The following LRRC7 variants were observed in gnomAD, a reference collection of about 807,000 sequenced individuals.
The protein encoded by LRRC7 is leucine rich repeat containing 7, also known as leucine-rich repeat-containing protein 7.
A neutral mutation model predicts 175.7 loss-of-function variants in LRRC7; 23 were observed. The observed-to-expected ratio is 0.13, with a 90% CI of 0.09 to 0.19. LRRC7 has a LOEUF of 0.19. Ranked by LOEUF, LRRC7 falls within the 10% of genes least tolerant of loss-of-function variation. LRRC7 has a pLI of 1.00. For missense variants in LRRC7, 1,354 were observed against 1,904.7 expected (o/e 0.71, Z 5.38); for synonymous variants, 685 against 680.9 (o/e 1.01, Z -0.09).
chr1:69,741,741 A>C (rs1159731024), intron 2 of LRRC7, among the ~76,000 whole-genome samples: 1 of 152,008 alleles, frequency 6.6e-6, no homozygotes, highest in Non-Finnish European at 1.5e-5. Flanking sequence ...ACTCTAATTT[A>C]GTCATTTATT....
chr1:69,846,701 T>C (rs1331520499), intron 7 of LRRC7, among the ~76,000 whole-genome samples: 1 of 152,068 alleles, frequency 6.6e-6, no homozygotes, highest in East Asian at 1.9e-4. Flanking sequence ...TTACCTCTTT[T>C]AAGCTGGGAA....
intron 7 of LRRC7, among the ~76,000 whole-genome samples, chr1:69,921,940 T>C (rs951118789): frequency 2.6e-5 from 4 of 151,352 alleles, no homozygotes; most frequent in African/African-American, 9.7e-5. Context: ...TGTTTGTTTG[T>C]TTGAGACGAA....
At chr1:70,095,030 G>A (rs113242133) in intron 25 of LRRC7, among the ~76,000 whole-genome samples, 155 of 152,118 alleles carry the variant, frequency 1.0e-3, no homozygotes, top group African/African-American at 3.6e-3. Context: ...CCTTAACTTT[G>A]TGCAGCTACT....
Position 69,825,752 on chromosome 1 carries a change from A to G in LRRC7, c.426A>G (p.Val142=). ...TTTGTTTTTTTCACATTTTAGGTGT[A>G]CAAGAATTTCCAGAAAACATAAAGT... is the stretch of plus-strand genomic sequence containing the variant. ...LKELDISKNG[V]QEFPENIKCC... The change falls in exon 5 of 27, where the codon GTA becomes GTG. Residue 142 remains valine (V), a synonymous_variant. Transcript: ENST00000651989. 13 of 1,600,272 alleles carry G rather than the reference A, an allele frequency of 8.1e-6. No individual in the cohort carries two copies. Among genetic ancestry groups the G allele is most frequent in the South Asian group, 4.5e-5 (4 of 88,722 alleles).
chr1:69,962,085 A>G (rs1477574861), intron 8 of LRRC7, among the ~76,000 whole-genome samples: 1 of 152,196 alleles, frequency 6.6e-6, no homozygotes, highest in African/African-American at 2.4e-5. Flanking sequence ...TTTGCAAACT[A>G]TGCATCCGAC....
At chr1:69,600,577 G>A (rs1195796601) in intron 1 of LRRC7, among the ~76,000 whole-genome samples, 1 of 152,070 alleles carries the variant, frequency 6.6e-6, no homozygotes, top group Non-Finnish European at 1.5e-5. Flanking sequence ...TATATTTTGA[G>A]TTATAATCCA....
intron 1 of LRRC7, among the ~76,000 whole-genome samples, chr1:69,595,352 G>A (rs759144421): frequency 5.9e-5 from 9 of 152,106 alleles, no homozygotes; most frequent in Non-Finnish European, 1.0e-4. Flanking sequence ...CCCAGGAGGC[G>A]GAATTTGCAG....
At chr1:70,047,017 TATAAC>T (rs1260400478) in intron 22 of LRRC7, among the ~76,000 whole-genome samples, 2 of 152,158 alleles carry the variant, frequency 1.3e-5, no homozygotes, top group African/African-American at 2.4e-5. Context: ...AAAAATCTGT[TATAAC>T]ATGTTTATCT....
chr1:69,634,366 C>A (rs1179845709), intron 1 of LRRC7, among the ~76,000 whole-genome samples: 1 of 152,022 alleles, frequency 6.6e-6, no homozygotes, highest in Non-Finnish European at 1.5e-5. Context: ...TTAGATAATA[C>A]ATTATATATT....
At chr1:69,767,884 G>A (rs1043143532) in intron 3 of LRRC7, among the ~76,000 whole-genome samples, 2 of 152,006 alleles carry the variant, frequency 1.3e-5, no homozygotes, top group Admixed American at 6.6e-5. Flanking sequence ...AGTAAGCTGA[G>A]AGGTGCCAGA....
intron 23 of LRRC7, among the ~76,000 whole-genome samples, chr1:70,065,108 C>T (rs1661870971): frequency 6.6e-6 from 1 of 151,926 alleles, no homozygotes; most frequent in African/African-American, 2.4e-5. Flanking sequence ...AATGATACAA[C>T]TGCACTGAAT....
At chr1:69,678,740 G>A (rs1396340079) in intron 2 of LRRC7, among the ~76,000 whole-genome samples, 1 of 152,108 alleles carries the variant, frequency 6.6e-6, no homozygotes, top group Admixed American at 6.6e-5. Context: ...GGAAAAGGCT[G>A]TACAGTCTGA....
intron 1 of LRRC7, among the ~76,000 whole-genome samples, chr1:69,625,128 T>G (rs919998546): frequency 6.6e-6 from 1 of 151,988 alleles, no homozygotes; most frequent in Non-Finnish European, 1.5e-5. Flanking sequence ...GCAAGGAGTT[T>G]TCTTTGTGGG....
intron 8 of LRRC7, among the ~76,000 whole-genome samples, chr1:69,937,579 A>G (rs750763070): frequency 2.2e-4 from 34 of 152,042 alleles, no homozygotes; most frequent in Admixed American, 2.1e-3. Flanking sequence ...ATCTGTACTC[A>G]TTAGTGAGAT....
At chr1:69,712,023 T>C (rs1332804780) in intron 2 of LRRC7, among the ~76,000 whole-genome samples, 1 of 152,150 alleles carries the variant, frequency 6.6e-6, no homozygotes, top group Non-Finnish European at 1.5e-5. Context: ...GAGATTGTAT[T>C]TCAAAAATTT....
At chr1:69,611,290 G>T (rs1648689595) in intron 1 of LRRC7, among the ~76,000 whole-genome samples, 1 of 151,234 alleles carries the variant, frequency 6.6e-6, no homozygotes, top group African/African-American at 2.4e-5. Flanking sequence ...GTTGTCATTT[G>T]CCTTTTACCT....
chr1:69,893,285 C>G (rs573871458), intron 7 of LRRC7, among the ~76,000 whole-genome samples: 5 of 152,072 alleles, frequency 3.3e-5, no homozygotes, highest in Admixed American at 1.3e-4. Flanking sequence ...TTTGCATTTC[C>G]TAAGATTCAA....
At chr1:69,908,390 G>C (rs1221494520) in intron 7 of LRRC7, among the ~76,000 whole-genome samples, 4 of 151,712 alleles carry the variant, frequency 2.6e-5, no homozygotes, top group Non-Finnish European at 5.9e-5. Context: ...GCTTTCTCTT[G>C]TGGGCATTTA....
intron 7 of LRRC7, among the ~76,000 whole-genome samples, chr1:69,846,247 A>G (rs1028163819): frequency 6.6e-6 from 1 of 152,120 alleles, no homozygotes; most frequent in Admixed American, 6.6e-5. Flanking sequence ...TGCCTTGTGA[A>G]CGAATTGTAT....
Sources: gnomAD v4.1 joint callset for allele counts (sites outside exome capture counted in the v4.1 genomes callset) on GRCh38, gnomAD v4.1.1 for gene constraint, MANE v1.5 for transcripts, NCBI Gene and HGNC (gene_info 2026-07-23, HGNC 2026-07-21) for gene names.